The following DOCK1 variants were observed in gnomAD, a reference collection of about 807,000 sequenced individuals.
DOCK1 encodes dedicator of cytokinesis protein 1.
DOCK1 carries 138 observed loss-of-function variants against 262.7 expected under a neutral mutation model. The ratio of observed to expected loss-of-function variants is 0.53; its 90% CI spans 0.46 to 0.61. DOCK1 has a LOEUF of 0.61. Among genes scored for constraint, DOCK1 ranks in the 20% least tolerant of loss-of-function variants. DOCK1 has a pLI of 0.00. For missense variants in DOCK1, 1,908 were observed against 2,370.7 expected (o/e 0.80, Z 4.05); for synonymous variants, 866 against 867.4 (o/e 1.00, Z 0.03).
At chr10:126,950,303 C>A (rs1303838594) in intron 1 of DOCK1, among the ~76,000 whole-genome samples, 3 of 151,908 alleles carry the variant, frequency 2.0e-5, no homozygotes, top group South Asian at 4.2e-4. Context: ...CAGTTCTTAC[C>A]TGGGATCTTG....
rs115011097 is a variant in DOCK1 at position 127,239,351 on chromosome 10, A to G, written c.2848-8657A>G. On this transcript the variant is annotated intron_variant, in intron 27 of 51. Coordinates refer to ENST00000623213, the MANE Select transcript of DOCK1 (RefSeq NM_001290223.2). ...TTATTTACTATAATCTCATATTTCAAAGTATCTTTTATTCTCCTTACGATT... is the reference window on the plus strand; with the variant it reads ...TTATTTACTATAATCTCATATTTCAGAGTATCTTTTATTCTCCTTACGATT... Among the ~76,000 whole-genome samples the G allele has an allele frequency of 5.0e-3, 768 of 152,330 alleles. 9 individuals are homozygous for G. The highest frequency in any genetic ancestry group is 0.018 in the African/African-American group (730 of 41,582).
intron 28 of DOCK1, among the ~76,000 whole-genome samples, chr10:127,254,032 A>G (rs1327854968): frequency 6.6e-6 from 1 of 152,122 alleles, no homozygotes; most frequent in African/African-American, 2.4e-5. Context: ...CACCTGCCCT[A>G]AGCTGTTCAG....
At chr10:126,946,070 G>T (rs2035376583) in intron 1 of DOCK1, among the ~76,000 whole-genome samples, 2 of 152,242 alleles carry the variant, frequency 1.3e-5, no homozygotes, top group Admixed American at 6.5e-5. Flanking sequence ...CCATTCAGTG[G>T]TTTTTGGCAT....
chr10:127,447,743 C>A (rs1239738101), intron 51 of DOCK1, among the ~76,000 whole-genome samples, 198 bp downstream of exon 51: 1 of 152,142 alleles, frequency 6.6e-6, no homozygotes, highest in Admixed American at 6.5e-5. Context: ...TGTGGCTCTG[C>A]GTCATTATCA....
chr10:127,140,664 C>CGAGTCTCTGGGTTGAGTTTGACACACT (rs1308887669), intron 27 of DOCK1, among the ~76,000 whole-genome samples: 6 of 137,936 alleles, frequency 4.3e-5, no homozygotes, highest in Non-Finnish European at 7.4e-5. Flanking sequence ...TTTGACACAC[C>CGAGTCTCTGGGTTGAGTTTGACACACT]GAGTCTCTGG....
At chr10:127,180,339 A>G (rs1589807529) in intron 27 of DOCK1, among the ~76,000 whole-genome samples, 3 of 152,338 alleles carry the variant, frequency 2.0e-5, no homozygotes, top group Admixed American at 1.3e-4. Flanking sequence ...GGGTCACCCT[A>G]GAGAACCATG....
chr10:127,350,830 A>C (rs1462658616), intron 31 of DOCK1, among the ~76,000 whole-genome samples: 2 of 152,176 alleles, frequency 1.3e-5, no homozygotes, highest in Non-Finnish European at 2.9e-5. Flanking sequence ...TGCAACCATG[A>C]GAGGAATATT....
At chr10:126,966,306 G>T (rs2037674067) in intron 1 of DOCK1, among the ~76,000 whole-genome samples, 2 of 152,044 alleles carry the variant, frequency 1.3e-5, no homozygotes, top group South Asian at 2.1e-4. Flanking sequence ...CATCTGTGTG[G>T]GACACCTAGG....
At chr10:127,078,247 G>A (rs1164181602) in intron 23 of DOCK1, among the ~76,000 whole-genome samples, 3 of 152,098 alleles carry the variant, frequency 2.0e-5, no homozygotes, top group Admixed American at 2.0e-4. Flanking sequence ...GTTCTTAAAA[G>A]TTTTATCTTA....
At chr10:126,958,471 T>G (rs1003829682) in intron 1 of DOCK1, among the ~76,000 whole-genome samples, 7,261 of 152,254 alleles carry the variant, frequency 0.048, 207 homozygotes, top group Non-Finnish European at 0.06. Flanking sequence ...GACTCTGTTT[T>G]GGCATTTTGG....
At chr10:127,119,277 G>A (rs1217020441) in intron 25 of DOCK1, among the ~76,000 whole-genome samples, 3 of 152,150 alleles carry the variant, frequency 2.0e-5, no homozygotes, top group Non-Finnish European at 2.9e-5. Flanking sequence ...TCTATCTCCT[G>A]ACCTCATGGT....
At chr10:127,006,841 C>G (rs1330014480) in intron 10 of DOCK1, among the ~76,000 whole-genome samples, 1 of 152,176 alleles carries the variant, frequency 6.6e-6, no homozygotes, top group African/African-American at 2.4e-5. Flanking sequence ...TGCAGGCACC[C>G]AGCAAGGCCA....
At chr10:127,171,160 T>A (rs554435206) in intron 27 of DOCK1, among the ~76,000 whole-genome samples, 31 of 152,190 alleles carry the variant, frequency 2.0e-4, no homozygotes, top group African/African-American at 7.5e-4. Context: ...CCATAAACAT[T>A]CTCTGCCGAA....
At chr10:127,375,348 G>C (rs148938880) in intron 35 of DOCK1, among the ~76,000 whole-genome samples, 26 of 152,338 alleles carry the variant, frequency 1.7e-4, no homozygotes, top group African/African-American at 6.3e-4. Flanking sequence ...CCCATGGCAA[G>C]AATGCAAGAA....
At chr10:127,331,515 C>A (rs778357266) in intron 29 of DOCK1, among the ~76,000 whole-genome samples, 1 of 152,234 alleles carries the variant, frequency 6.6e-6, no homozygotes, top group East Asian at 1.9e-4. Flanking sequence ...CTCCTGGCCT[C>A]TGGTGATCCA....
intron 18 of DOCK1, among the ~76,000 whole-genome samples, chr10:127,034,507 C>T (rs1051804070): frequency 4.6e-5 from 7 of 152,134 alleles, no homozygotes; most frequent in African/African-American, 1.7e-4. Flanking sequence ...ATGTGGTCAG[C>T]AGTGCGGGGC....
chr10:127,260,899 C>CTGTGTGTGTGCATGTGTGTGTGTGTG (rs1554933801), intron 29 of DOCK1, among the ~76,000 whole-genome samples: 1 of 92,054 alleles, frequency 1.1e-5, no homozygotes, highest in Non-Finnish European at 2.1e-5. Flanking sequence ...CCGTGCTCAT[C>CTGTGTGTGTGCATGTGTGTGTGTGTG]TGTGTACCTG....
chr10:126,973,173 G>GGCC (rs2134706476), intron 2 of DOCK1, among the ~76,000 whole-genome samples: 1 of 152,006 alleles, frequency 6.6e-6, no homozygotes, highest in East Asian at 1.9e-4. Flanking sequence ...GTGGCCCCTG[G>GGCC]GCCTGTGGAG....
intron 3 of DOCK1, 38 bp from the exon 4 acceptor site, chr10:126,981,880 T>A: frequency 1.3e-6 from 2 of 1,595,678 alleles, no homozygotes; most frequent in Non-Finnish European, 1.7e-6. Flanking sequence ...GCAATCCTAT[T>A]GATAATAAAA....
Sources: gnomAD v4.1 joint callset for allele counts (sites outside exome capture counted in the v4.1 genomes callset) on GRCh38, gnomAD v4.1.1 for gene constraint, MANE v1.5 for transcripts, NCBI Gene and HGNC (gene_info 2026-07-23, HGNC 2026-07-21) for gene names.